SEMA5A: variants seen among roughly 807,000 people sequenced by gnomAD.
SEMA5A encodes semaphorin 5A.
In SEMA5A, 55 loss-of-function variants were observed where a neutral mutation model predicts 135.5. That is an observed-to-expected ratio of 0.41 (90% CI 0.33 to 0.51). SEMA5A has a LOEUF of 0.51. Among genes scored for constraint, SEMA5A ranks in the 20% least tolerant of loss-of-function variants. SEMA5A has a pLI of 0.37. For synonymous variants in SEMA5A, 580 were observed against 546.5 expected (o/e 1.06, Z -0.85); for missense variants, 1,290 against 1,419.9 (o/e 0.91, Z 1.47).
At chr5:9,247,677 T>C (rs1369920924) in intron 5 of SEMA5A, among the ~76,000 whole-genome samples, 1 of 152,146 alleles carries the variant, frequency 6.6e-6, no homozygotes, top group East Asian at 1.9e-4. Context: ...TGAGAACATA[T>C]TGATCTATTT....
chr5:9,138,645 T>C (rs1741894826), intron 12 of SEMA5A, among the ~76,000 whole-genome samples: 1 of 152,194 alleles, frequency 6.6e-6, no homozygotes, highest in Non-Finnish European at 1.5e-5. Context: ...CAGGTGGTGT[T>C]TGGTTACATG....
chr5:9,268,633 G>T (rs1749811243), intron 5 of SEMA5A, among the ~76,000 whole-genome samples: 1 of 152,070 alleles, frequency 6.6e-6, no homozygotes, highest in African/African-American at 2.4e-5. Flanking sequence ...TACAGAGGTA[G>T]GAAATATTGA....
At chr5:9,091,148 A>G (rs1460008566) in intron 16 of SEMA5A, among the ~76,000 whole-genome samples, 2 of 152,210 alleles carry the variant, frequency 1.3e-5, no homozygotes, top group Admixed American at 6.5e-5. Flanking sequence ...CAGCAGTGCT[A>G]AAGCAACAAA....
chr5:9,406,091 T>C (rs1756875885), intron 2 of SEMA5A, among the ~76,000 whole-genome samples: 1 of 152,170 alleles, frequency 6.6e-6, no homozygotes, highest in South Asian at 2.1e-4. Context: ...GAGGAAGAAT[T>C]TGTTAGAAGC....
chr5:9,515,964 A>G (rs931364536), intron 1 of SEMA5A, among the ~76,000 whole-genome samples: 1 of 152,198 alleles, frequency 6.6e-6, no homozygotes, highest in Non-Finnish European at 1.5e-5. Context: ...TTATTAAATC[A>G]TTTTCTCATA....
chr5:9,249,804 T>C (rs1423160480), intron 5 of SEMA5A, among the ~76,000 whole-genome samples: 1 of 151,556 alleles, frequency 6.6e-6, no homozygotes, highest in Non-Finnish European at 1.5e-5. Flanking sequence ...GACCAGTGAG[T>C]GAATAAGTGG....
intron 1 of SEMA5A, among the ~76,000 whole-genome samples, chr5:9,484,681 A>G (rs1274430168): frequency 2.6e-5 from 4 of 152,218 alleles, no homozygotes; most frequent in African/African-American, 9.6e-5. Flanking sequence ...CTTAACATTG[A>G]AGGTGTAATT....
chr5:9,279,015 G>T (rs992265405), intron 5 of SEMA5A, among the ~76,000 whole-genome samples: 1 of 152,152 alleles, frequency 6.6e-6, no homozygotes, highest in Non-Finnish European at 1.5e-5. Context: ...GCAGAAGAGG[G>T]CCACCATCCT....
At chr5:9,418,102 G>A (rs59471288) in intron 2 of SEMA5A, among the ~76,000 whole-genome samples, 5,608 of 151,588 alleles carry the variant, frequency 0.037, 114 homozygotes, top group Middle Eastern at 0.076. Flanking sequence ...TCAGCCTCCC[G>A]AGTAGCTGGG....
chr5:9,306,386 C>G (rs765273932), intron 5 of SEMA5A, among the ~76,000 whole-genome samples: 2 of 152,126 alleles, frequency 1.3e-5, no homozygotes, highest in Non-Finnish European at 2.9e-5. Flanking sequence ...TTCCAGTTCA[C>G]TAATACAATA....
chr5:9,344,367 C>A (rs977840773), intron 3 of SEMA5A, among the ~76,000 whole-genome samples: 2 of 152,128 alleles, frequency 1.3e-5, no homozygotes, highest in Admixed American at 1.3e-4. Flanking sequence ...GATTAAAAAT[C>A]AATTTTCCAA....
chr5:9,346,748 C>G (rs907741609), intron 3 of SEMA5A, among the ~76,000 whole-genome samples: 1 of 152,160 alleles, frequency 6.6e-6, no homozygotes, highest in East Asian at 1.9e-4. Context: ...TTGCACACTC[C>G]CTCCCACAGG....
intron 21 of SEMA5A, 109 bp downstream of exon 21, chr5:9,050,301 T>G: frequency 1.0e-6 from 1 of 1,002,408 alleles, no homozygotes; most frequent in Non-Finnish European, 1.4e-6. Context: ...CTTTCTCCGG[T>G]TTTTCATTCT....
At chr5:9,197,498 A>G (rs1433478794) in intron 9 of SEMA5A, among the ~76,000 whole-genome samples, 195 bp from the exon 10 acceptor site, 6 of 152,196 alleles carry the variant, frequency 3.9e-5, no homozygotes, top group African/African-American at 1.4e-4. Context: ...CTTGGTACAG[A>G]AACCAGGCTA....
Position 9,119,100 on chromosome 5 carries a change from C to T in SEMA5A, c.1823G>A (p.Ser608Asn), listed in dbSNP as rs754758716. ...WTPWTSWSPC[S>N]TTCGIGFQVR... The stretch of plus-strand genomic sequence containing the variant: ...CTGGAAGCCGATCCCACAGGTAGTG[C>T]TGCAGGGAGACCACGAGGTCCAGGG... The change falls in exon 15 of 23, where the codon AGC becomes AAC. Residue 608 changes from serine to asparagine, a missense_variant. Physicochemically the swap from Ser to Asn is conservative, Grantham distance 46. Around this residue, in one of 3 missense-constraint regions of SEMA5A, gnomAD observed 1,029 missense variants for 1,086.6 expected, o/e 0.95. Coordinates refer to ENST00000382496, the MANE Select transcript of SEMA5A (RefSeq NM_003966.3). The T allele has an allele frequency of 6.2e-7, 1 of 1,613,888 alleles. No homozygotes were observed. The highest frequency in any genetic ancestry group is 8.5e-7 in the Non-Finnish European group (1 of 1,179,956).
intron 12 of SEMA5A, among the ~76,000 whole-genome samples, chr5:9,142,412 T>A (rs992020048): frequency 1.3e-5 from 2 of 152,102 alleles, no homozygotes; most frequent in African/African-American, 2.4e-5. Flanking sequence ...AGGAGAGAAA[T>A]GGGCAGAGTC....
intron 16 of SEMA5A, among the ~76,000 whole-genome samples, chr5:9,084,632 C>T (rs989258133): frequency 2.6e-5 from 4 of 152,162 alleles, no homozygotes; most frequent in East Asian, 1.9e-4. Flanking sequence ...TCCCCAGCCA[C>T]GTGGAATTGT....
intron 3 of SEMA5A, among the ~76,000 whole-genome samples, chr5:9,349,776 C>T (rs1426867989): frequency 1.3e-5 from 2 of 152,078 alleles, no homozygotes; most frequent in Non-Finnish European, 2.9e-5. Flanking sequence ...GTGGCATGCA[C>T]CTGTAATCCC....
At chr5:9,384,653 TAGATAG>T (rs1755794184) in intron 2 of SEMA5A, among the ~76,000 whole-genome samples, 2 of 130,722 alleles carry the variant, frequency 1.5e-5, no homozygotes, top group Non-Finnish European at 1.7e-5. Context: ...GATAGATAGA[TAGATAG>T]ATATAGATAG....
Sources: allele counts gnomAD v4.1 joint callset (sites outside exome capture counted in the v4.1 genomes callset), GRCh38; gene constraint gnomAD v4.1.1; regional missense constraint gnomAD v4.1.1; transcripts MANE v1.5; gene names NCBI Gene and HGNC (gene_info 2026-07-23, HGNC 2026-07-21).